RNF146: variants seen among roughly 807,000 people sequenced by gnomAD.
The protein encoded by RNF146 is ring finger protein 146, also known as E3 ubiquitin-protein ligase RNF146.
A neutral mutation model predicts 29.7 loss-of-function variants in RNF146; 11 were observed. The observed-to-expected ratio is 0.37, with a 90% confidence interval of 0.23 to 0.61. The LOEUF is 0.61. RNF146 is among the 20% of genes least tolerant of loss of function. The probability of loss-of-function intolerance (pLI) is 0.66; values close to 1 mark genes in which losing one functional copy is unlikely to be tolerated. For missense variants in RNF146, 342 were observed against 438.9 expected, an observed-to-expected ratio of 0.78 and a Z score of 1.97; for synonymous variants, 150 against 159.7, an observed-to-expected ratio of 0.94 and a Z score of 0.46.
chr6:127,273,450 CTATA>C (rs1206289245), intron 1 of RNF146, among the ~76,000 whole-genome samples: 2 of 152,056 alleles, frequency 1.3e-5, no homozygotes, highest in Non-Finnish European at 1.5e-5. Flanking sequence ...ATAAAATAGA[CTATA>C]TATGTTTTAT....
intron 1 of RNF146, among the ~76,000 whole-genome samples, chr6:127,272,577 T>C (rs925094530): frequency 6.6e-6 from 1 of 152,224 alleles, no homozygotes; most frequent in African/African-American, 2.4e-5. Flanking sequence ...TTTTGTCTGC[T>C]TTTATCTGGA....
chr6:127,266,799 GC>G (rs1776657821), upstream of RNF146: 1 of 151,784 alleles, frequency 6.6e-6, no homozygotes, highest in Non-Finnish European at 1.5e-5. Context: ...CGGGTGCGCG[GC>G]GCGTCGCGGC....
chr6:127,271,469 T>C (rs576077858), intron 1 of RNF146, among the ~76,000 whole-genome samples: 2 of 152,352 alleles, frequency 1.3e-5, no homozygotes, highest in South Asian at 4.1e-4. Context: ...GGCAAAAGTC[T>C]AGGTAAATTA....
chr6:127,287,296 A>G lies in RNF146; in HGVS notation c.683A>G (p.Gln228Arg). Reference protein sequence around the residue: ...SVRPLTSVDGQLTSPATPSPD... With the variant: ...SVRPLTSVDGRLTSPATPSPD... Reference sequence around the variant, plus strand: ...AGGCCCCTAACATCAGTAGATGGTCAGTTAACAAGCCCTGCAACACCATCC... The same window carrying G: ...AGGCCCCTAACATCAGTAGATGGTCGGTTAACAAGCCCTGCAACACCATCC... Residue 228 changes from glutamine to arginine, a missense_variant, in exon 3 of 3, where the codon CAG becomes CGG. Gln to Arg is a conservative substitution (Grantham distance 43). This residue lies in a region of RNF146 where 196 missense variants were observed against 208.9 expected (regional missense o/e 0.94). Coordinates refer to ENST00000368314, the MANE Select transcript of RNF146 (RefSeq NM_001242850.2). 6.2e-7 allele frequency: 1 copy of G among 1,613,468 alleles called. No homozygotes were observed. Among genetic ancestry groups the G allele is most frequent in the Non-Finnish European group, 8.5e-7 (1 of 1,179,648 alleles).
intron 1 of RNF146, among the ~76,000 whole-genome samples, chr6:127,271,092 G>T (rs1777422972): frequency 6.6e-6 from 1 of 152,140 alleles, no homozygotes; most frequent in Non-Finnish European, 1.5e-5. Context: ...AAGATTACAG[G>T]CGTGAGCCAC....
chr6:127,277,368 G>A (rs1028455329), intron 1 of RNF146, among the ~76,000 whole-genome samples: 2 of 152,012 alleles, frequency 1.3e-5, no homozygotes, highest in Non-Finnish European at 2.9e-5. Flanking sequence ...TGAAAGGGTT[G>A]AGAGGAAAGT....
At chr6:127,276,981 A>G (rs1407268349) in intron 1 of RNF146, among the ~76,000 whole-genome samples, 3 of 152,066 alleles carry the variant, frequency 2.0e-5, no homozygotes, top group Non-Finnish European at 4.4e-5. Context: ...AATTTCAGTG[A>G]TTCTGATGAA....
rs187188615 is a variant in RNF146, at chr6:127,287,719, C to G, written c.*26C>G. ...ATAAAAATGTCTTCAGCTCCATGCT[C>G]AAGGTTGAAAGGGTTACCTGTAAAT... On this transcript the variant is annotated 3_prime_UTR_variant, in exon 3 of 3. Coordinates refer to ENST00000368314, the MANE Select transcript of RNF146 (RefSeq NM_001242850.2). The G allele has an allele frequency of 2.2e-4, 311 of 1,407,900 alleles. 1 individual carries two copies. In the Middle Eastern group the frequency reaches 5.0e-3, roughly 22 times the overall value. The allele number at this position is 1,407,900 out of a possible 1,614,324, so 87.2% of individuals were successfully genotyped here. A position where few individuals can be genotyped will look rare whatever the true frequency, so the allele number is the denominator to read the frequency against.
chr6:127,275,840 A>G (rs12210968), intron 1 of RNF146, among the ~76,000 whole-genome samples: 81,881 of 151,890 alleles, frequency 0.54, 24,216 homozygotes, highest in Non-Finnish European at 0.68. Context: ...GAGTAATTTT[A>G]TACAACTAGA....
At chr6:127,267,146 A>C (rs1385820903) in intron 1 of RNF146, 1 of 152,220 alleles carries the variant, frequency 6.6e-6, no homozygotes, top group Non-Finnish European at 1.5e-5. Flanking sequence ...GTCCGCGCAG[A>C]GGCGGGATGG....
At chr6:127,279,429 T>G (rs576327063) in intron 1 of RNF146, among the ~76,000 whole-genome samples, 2 of 151,990 alleles carry the variant, frequency 1.3e-5, no homozygotes, top group South Asian at 4.1e-4. Flanking sequence ...CAGTTGGCTA[T>G]TGATGTATGA....
intron 1 of RNF146, among the ~76,000 whole-genome samples, chr6:127,277,252 A>C (rs1446669799): frequency 6.6e-6 from 1 of 152,030 alleles, no homozygotes; most frequent in African/African-American, 2.4e-5. Flanking sequence ...TCCTATATAT[A>C]GGGAGTGTAT....
At chr6:127,272,249 T>C (rs1310702344) in intron 1 of RNF146, among the ~76,000 whole-genome samples, 2 of 152,166 alleles carry the variant, frequency 1.3e-5, no homozygotes, top group African/African-American at 4.8e-5. Context: ...CTAACTAATA[T>C]ATGTGAATCA....
At chr6:127,283,083 T>C (rs1338671580) in intron 2 of RNF146, among the ~76,000 whole-genome samples, 1 of 151,766 alleles carries the variant, frequency 6.6e-6, no homozygotes, top group African/African-American at 2.4e-5. Context: ...TTCCACTAAC[T>C]CTGCCCATAC....
Position 127,286,594 on chromosome 6 carries a change from T to C in RNF146, c.3-22T>C, listed in dbSNP as rs1232754253. The C allele has an allele frequency of 3.2e-6, 5 of 1,573,906 alleles. No individual in the cohort carries two copies. The East Asian group carries it at 1.1e-4, about 35-fold the overall frequency. The stretch of plus-strand genomic sequence containing the variant: ...TGCAAGAATTAAAACATGACTTTAA[T>C]ATTATATGTATTTTTTCTTAGGATG... On this transcript the variant is annotated intron_variant, in intron 2 of 2. Transcript: ENST00000368314. The surrounding 1 kb of genome is among the most constrained non-coding windows in gnomAD (Gnocchi z 4.6).
intron 1 of RNF146, among the ~76,000 whole-genome samples, chr6:127,272,977 T>A (rs1291914228): frequency 1.3e-5 from 2 of 152,212 alleles, no homozygotes; most frequent in Non-Finnish European, 2.9e-5. Flanking sequence ...TGTTACCTGT[T>A]TATAAGGTGT....
In RNF146 at chr6:127,280,314, G is replaced by T. The variant is rs1352462373; in HGVS notation, c.-25G>T. The T allele has an allele frequency of 6.5e-7, 1 of 1,546,936 alleles. No individual in the cohort carries two copies. Among genetic ancestry groups the T allele is most frequent in the South Asian group, 1.2e-5 (1 of 83,870 alleles). On this transcript the variant is annotated 5_prime_UTR_variant, in exon 2 of 3. In the 5' UTR this introduces an upstream ATG that the reference lacks. Coordinates refer to ENST00000368314, the MANE Select transcript of RNF146 (RefSeq NM_001242850.2). ...AAGAAAATGCTTTATTTTTGTGGCA[G>T]GCATCTGTGGGATCTGTAATAGAAA...
In RNF146 at chr6:127,287,159, G is replaced by A. The variant is rs750209937; in HGVS notation, c.546G>A (p.Arg182=). Residue 182 remains arginine, a synonymous_variant, in exon 3 of 3, where the codon AGG becomes AGA. Coordinates refer to ENST00000368314, the MANE Select transcript of RNF146 (RefSeq NM_001242850.2). ...CAAAGAAGGGAGTAGCTGGACTTAGGCTAGACTGTGATGCTAATACCGTAA... is the reference window on the plus strand; with the variant it reads ...CAAAGAAGGGAGTAGCTGGACTTAGACTAGACTGTGATGCTAATACCGTAA... ...DIPKKGVAGL[R]LDCDANTVNL... 5.6e-6 allele frequency: 9 copies of A among 1,613,212 alleles called. No homozygotes were observed. The Admixed American group carries it at 1.0e-4, about 18-fold the overall frequency.
Position 127,287,920 on chromosome 6 carries a change from G to T in RNF146, c.*227G>T. 1 of 381,556 alleles carries T rather than the reference G, an allele frequency of 2.6e-6. No individual in the cohort carries two copies. The highest frequency in any genetic ancestry group is 4.9e-6 in the Non-Finnish European group (1 of 202,608). 23.6% of individuals were successfully genotyped at this position (381,556 alleles called of 1,614,324 possible). A position where few individuals can be genotyped will look rare whatever the true frequency, so the allele number is the denominator to read the frequency against. ...TTGAGAGCTGTTTAGTAATAACCCAGTTTTCTTGAGGTCTGTTTACTTTAT... is the reference window on the plus strand; with the variant it reads ...TTGAGAGCTGTTTAGTAATAACCCATTTTTCTTGAGGTCTGTTTACTTTAT... On this transcript the variant is annotated 3_prime_UTR_variant, in exon 3 of 3. Coordinates refer to ENST00000368314, the MANE Select transcript of RNF146 (RefSeq NM_001242850.2).
Sources: gnomAD v4.1 joint callset for allele counts (sites outside exome capture counted in the v4.1 genomes callset) on GRCh38, gnomAD v4.1.1 for gene constraint, gnomAD v4.1.1 regional missense constraint, Gnocchi (gnomAD v3.1) non-coding constraint, MANE v1.5 for transcripts, NCBI Gene and HGNC (gene_info 2026-07-23, HGNC 2026-07-21) for gene names.